Variants in TASOR observed in about 807,000 individuals in gnomAD.
TASOR encodes the protein transcription activation suppressor.
In TASOR, 53 loss-of-function variants were observed where a neutral mutation model predicts 178.6. The observed-to-expected ratio is 0.30, with a 90% CI of 0.24 to 0.37. TASOR has a LOEUF of 0.37. Ranked by LOEUF, TASOR falls within the 10% of genes least tolerant of loss-of-function variation. TASOR has a pLI of 1.00. For missense variants in TASOR, 1,815 were observed against 1,971.4 expected (o/e 0.92, Z 1.50); for synonymous variants, 713 against 696.2 (o/e 1.02, Z -0.38).
At position 56,683,207 on chromosome 3, in the gene TASOR, C is replaced by T; in HGVS notation, c.-201G>A. On this transcript the variant is annotated 5_prime_UTR_variant, in exon 1 of 24. Transcript: ENST00000683822. Reference sequence around the variant, plus strand: ...CACCCCAAATGCGCTGCCCGGTCCTCGGAGCCGCTCCTCCCTCGGGCAGTT... The same window carrying T: ...CACCCCAAATGCGCTGCCCGGTCCTTGGAGCCGCTCCTCCCTCGGGCAGTT... The T allele has an allele frequency of 3.8e-6, 2 of 522,806 alleles. No individual in the cohort carries two copies. The highest frequency in any genetic ancestry group is 3.1e-5 in the South Asian group (1 of 32,064). The allele number at this position is 522,806 out of a possible 1,614,324, so 32.4% of individuals were successfully genotyped here.
At chr3:56,667,370 T>C (rs768497354) in intron 6 of TASOR, among the ~76,000 whole-genome samples, 1 of 152,022 alleles carries the variant, frequency 6.6e-6, no homozygotes, top group Non-Finnish European at 1.5e-5. Context: ...AAAGAACAGG[T>C]GCCGGGTGTG....
rs1483136118 is a variant in TASOR at position 56,670,213 on chromosome 3, A to G, written c.571-68T>C. The stretch of plus-strand genomic sequence containing the variant: ...ATTTAAAACATGAAAAAATAATTTT[A>G]TAAACTTGGTTTAAATAAAAACAAA... On this transcript the variant is annotated intron_variant, in intron 3 of 23. Transcript: ENST00000683822. 4.0e-6 allele frequency: 4 copies of G among 994,708 alleles called. No individual in the cohort carries two copies. The South Asian group carries it at 5.5e-5, about 14-fold the overall frequency. The allele number at this position is 994,708 out of a possible 1,614,324, so 61.6% of individuals were successfully genotyped here.
intron 14 of TASOR, among the ~76,000 whole-genome samples, chr3:56,642,274 T>C (rs2077140079): frequency 6.6e-6 from 1 of 152,220 alleles, no homozygotes; most frequent in African/African-American, 2.4e-5. Context: ...GCTAGGGTAT[T>C]ATAGAGATAA....
At position 56,671,588 on chromosome 3, in the gene TASOR, G is replaced by A; in HGVS notation, c.570+12C>T. ...ATCCCCAAATTGTTTTTTATAAAAT[G>A]CGTTAACTCACCTGGTATCGATCAA... On this transcript the variant is annotated intron_variant, in intron 3 of 23. Coordinates refer to ENST00000683822, the MANE Select transcript of TASOR (RefSeq NM_001365635.2). 2 of 1,528,014 alleles carry A rather than the reference G, an allele frequency of 1.3e-6. No homozygotes were observed. Among genetic ancestry groups the A allele is most frequent in the Non-Finnish European group, 1.8e-6 (2 of 1,132,962 alleles). The allele number at this position is 1,528,014 out of a possible 1,614,324, so 94.7% of individuals were successfully genotyped here. A position where few individuals can be genotyped will look rare whatever the true frequency, so the allele number is the denominator to read the frequency against.
At chr3:56,660,208 G>A (rs1334425559) in intron 11 of TASOR, among the ~76,000 whole-genome samples, 4 of 151,924 alleles carry the variant, frequency 2.6e-5, no homozygotes, top group South Asian at 4.2e-4. Context: ...ATATTCCATG[G>A]GGGCTGGGCA....
At chr3:56,644,820 A>G (rs1320909638) in intron 14 of TASOR, among the ~76,000 whole-genome samples, 2 of 152,232 alleles carry the variant, frequency 1.3e-5, no homozygotes, top group Non-Finnish European at 2.9e-5. Context: ...AAGAAAAGTA[A>G]TGTCAAATAG....
chr3:56,681,087 TAAAAAAAAAAA>T (rs11310490), intron 1 of TASOR, among the ~76,000 whole-genome samples: 1 of 117,894 alleles, frequency 8.5e-6, no homozygotes, highest in South Asian at 2.3e-4. Flanking sequence ...TAACAAACAG[TAAAAAAAAAAA>T]AAAAAAAATC....
At chr3:56,645,610 T>C (rs2077219467) in intron 14 of TASOR, among the ~76,000 whole-genome samples, 1 of 152,198 alleles carries the variant, frequency 6.6e-6, no homozygotes, top group African/African-American at 2.4e-5. Flanking sequence ...TTAGCTGACT[T>C]GCAATATTGA....
chr3:56,637,494 C>G lies in TASOR; in HGVS notation c.2824+1212G>C, dbSNP rs574940176. ...CAAGATCATGCCATTGCACTCCAGC[C>G]TGGGTGACAGAGAGAGATTCTGTAT... On this transcript the variant is annotated intron_variant, in intron 17 of 23. Coordinates refer to ENST00000683822, the MANE Select transcript of TASOR (RefSeq NM_001365635.2). 4.6e-5 allele frequency among the ~76,000 whole-genome samples: 7 copies of G among 151,804 alleles called. No homozygotes were observed. In the East Asian group the frequency reaches 1.4e-3, roughly 29 times the overall value.
chr3:56,672,431 T>C (rs1362973671), intron 2 of TASOR, among the ~76,000 whole-genome samples: 1 of 152,232 alleles, frequency 6.6e-6, no homozygotes, highest in African/African-American at 2.4e-5. Flanking sequence ...CCTTTCAAAA[T>C]TAAATCCTGG....
At chr3:56,674,566 A>G (rs142352223) in intron 1 of TASOR, among the ~76,000 whole-genome samples, 3 of 152,320 alleles carry the variant, frequency 2.0e-5, no homozygotes, top group Non-Finnish European at 2.9e-5. Context: ...ATAATCCACA[A>G]AAAGTAGTAG....
intron 7 of TASOR, among the ~76,000 whole-genome samples, chr3:56,664,782 T>TG (rs1219238030): frequency 6.6e-6 from 1 of 151,858 alleles, no homozygotes; most frequent in Non-Finnish European, 1.5e-5. Context: ...AATCAACACA[T>TG]GGGGAAAAAA....
At chr3:56,671,067 G>A (rs374940220) in intron 3 of TASOR, among the ~76,000 whole-genome samples, 13 of 150,908 alleles carry the variant, frequency 8.6e-5, no homozygotes, top group Admixed American at 1.3e-4. Context: ...AAGGCCAGGC[G>A]CGGTGGCTCA....
At chr3:56,645,524 C>G (rs2077217534) in intron 14 of TASOR, among the ~76,000 whole-genome samples, 1 of 152,166 alleles carries the variant, frequency 6.6e-6, no homozygotes, top group South Asian at 2.1e-4. Context: ...TGTCAACTTT[C>G]TATGAATGCA....
At chr3:56,632,369 G>A (rs573834279) in intron 18 of TASOR, among the ~76,000 whole-genome samples, 63 of 152,088 alleles carry the variant, frequency 4.1e-4, no homozygotes, top group Admixed American at 8.5e-4. Context: ...CAGCTACCTC[G>A]GAGGCTGAGG....
intron 18 of TASOR, among the ~76,000 whole-genome samples, chr3:56,631,058 C>T (rs1288524193): frequency 6.6e-6 from 1 of 152,032 alleles, no homozygotes; most frequent in African/African-American, 2.4e-5. Flanking sequence ...TGCTAGGGAA[C>T]TTGTTGCTGG....
chr3:56,676,995 C>T (rs1338686618), intron 1 of TASOR, among the ~76,000 whole-genome samples: 3 of 152,194 alleles, frequency 2.0e-5, no homozygotes, highest in Admixed American at 2.0e-4. Flanking sequence ...TATAATTTCT[C>T]ATTTTTTCTG....
At chr3:56,650,635 G>A (rs2077332342) in intron 11 of TASOR, among the ~76,000 whole-genome samples, 1 of 152,176 alleles carries the variant, frequency 6.6e-6, no homozygotes, top group Non-Finnish European at 1.5e-5. Context: ...ATTCTTGTAA[G>A]GGTAAACTTT....
chr3:56,650,114 T>C (rs964207826), intron 11 of TASOR, among the ~76,000 whole-genome samples: 2 of 152,222 alleles, frequency 1.3e-5, no homozygotes, highest in Non-Finnish European at 2.9e-5. Flanking sequence ...GCTACTGCAA[T>C]AGTTCACAAT....
Sources: allele counts gnomAD v4.1 joint callset (sites outside exome capture counted in the v4.1 genomes callset), GRCh38; gene constraint gnomAD v4.1.1; transcripts MANE v1.5; gene names NCBI Gene and HGNC (gene_info 2026-07-23, HGNC 2026-07-21).